ATP8A2: variants seen among roughly 807,000 people sequenced by gnomAD.
ATP8A2 encodes the protein phospholipid-transporting ATPase IB.
ATP8A2 carries 100 observed loss-of-function variants against 165.6 expected under a neutral mutation model. The observed-to-expected ratio is 0.60, with a 90% confidence interval of 0.51 to 0.71. ATP8A2 has a LOEUF of 0.71. Ranked by LOEUF, ATP8A2 falls within the 30% of genes least tolerant of loss-of-function variation. The pLI is 0.00. For synonymous variants in ATP8A2, 543 were observed against 548.8 expected (o/e 0.99, Z 0.15); for missense variants, 1,227 against 1,479.5 (o/e 0.83, Z 2.80).
chr13:25,567,825 C>A (rs1228335166), intron 16 of ATP8A2, among the ~76,000 whole-genome samples: 3 of 152,102 alleles, frequency 2.0e-5, no homozygotes, highest in African/African-American at 7.2e-5. Context: ...CAATATTTTT[C>A]TTTGGGGAGA....
At chr13:25,548,498 T>C (rs558012726) in intron 10 of ATP8A2, among the ~76,000 whole-genome samples, 3 of 152,354 alleles carry the variant, frequency 2.0e-5, no homozygotes, top group East Asian at 3.9e-4. Context: ...TTTTCCTGCC[T>C]GTACATTTAG....
At chr13:25,892,946 G>A (rs979350925) in intron 33 of ATP8A2, among the ~76,000 whole-genome samples, 5 of 152,054 alleles carry the variant, frequency 3.3e-5, no homozygotes, top group African/African-American at 1.2e-4. Flanking sequence ...GTATTAGATA[G>A]GCTCAGGTTT....
At chr13:25,862,851 A>G (rs562061094) in intron 33 of ATP8A2, among the ~76,000 whole-genome samples, 6 of 152,198 alleles carry the variant, frequency 3.9e-5, no homozygotes, top group East Asian at 3.9e-4. Context: ...TAACAGCTCT[A>G]TGAACCAGAT....
At chr13:25,653,122 G>C (rs983765913) in intron 24 of ATP8A2, among the ~76,000 whole-genome samples, 7 of 152,172 alleles carry the variant, frequency 4.6e-5, no homozygotes, top group African/African-American at 1.7e-4. Flanking sequence ...AACCATCTGA[G>C]TTAATTTTTG....
At chr13:25,688,102 T>G (rs1317505177) in intron 24 of ATP8A2, among the ~76,000 whole-genome samples, 1 of 149,688 alleles carries the variant, frequency 6.7e-6, no homozygotes, top group African/African-American at 2.5e-5. Context: ...GATCTTTGGC[T>G]GTTTTCGTGC....
intron 4 of ATP8A2, 30 bp downstream of exon 4, chr13:25,530,690 A>G (rs758357403): frequency 2.3e-6 from 3 of 1,298,778 alleles, no homozygotes; most frequent in South Asian, 1.3e-5. Context: ...TAATAAAATC[A>G]TTGTATGCAG....
At chr13:25,381,234 C>T (rs7982208) in intron 1 of ATP8A2, among the ~76,000 whole-genome samples, 47,769 of 151,980 alleles carry the variant, frequency 0.31, 7,776 homozygotes, top group Admixed American at 0.35. Context: ...GACCAGTGGG[C>T]GTCTCAGCAG....
chr13:25,433,965 G>A (rs2138162084), intron 1 of ATP8A2, among the ~76,000 whole-genome samples: 1 of 152,238 alleles, frequency 6.6e-6, no homozygotes, highest in Non-Finnish European at 1.5e-5. Flanking sequence ...GATTCTGGGG[G>A]CTCCAAAAGA....
chr13:25,607,032 C>A (rs1299481086), intron 24 of ATP8A2, among the ~76,000 whole-genome samples: 1 of 152,158 alleles, frequency 6.6e-6, no homozygotes, highest in South Asian at 2.1e-4. Flanking sequence ...TGAGCTCCAC[C>A]TCCTGTCAGA....
At chr13:25,400,079 C>A (rs7990162) in intron 1 of ATP8A2, among the ~76,000 whole-genome samples, 127,014 of 151,798 alleles carry the variant, frequency 0.84, 53,291 homozygotes, top group Middle Eastern at 0.9. Context: ...CACACTGCCA[C>A]GCCCAGCTAA....
intron 24 of ATP8A2, among the ~76,000 whole-genome samples, chr13:25,650,873 C>CAAA (rs2041795737): frequency 6.6e-6 from 1 of 152,064 alleles, no homozygotes; most frequent in African/African-American, 2.4e-5. Context: ...TTTTAAAATA[C>CAAA]ATTATTTGAT....
intron 1 of ATP8A2, among the ~76,000 whole-genome samples, chr13:25,435,965 G>A (rs1465444397): frequency 8.6e-6 from 1 of 116,690 alleles, no homozygotes; most frequent in African/African-American, 2.8e-5. Context: ...GTGTGTGTGT[G>A]TGTGTGTATG....
At chr13:25,719,147 C>A (rs773842968) in intron 25 of ATP8A2, among the ~76,000 whole-genome samples, 1 of 152,164 alleles carries the variant, frequency 6.6e-6, no homozygotes, top group Non-Finnish European at 1.5e-5. Flanking sequence ...TTCCGTGATC[C>A]GGCTCTATGC....
At chr13:25,407,569 A>G (rs1437232020) in intron 1 of ATP8A2, among the ~76,000 whole-genome samples, 1 of 152,140 alleles carries the variant, frequency 6.6e-6, no homozygotes. Flanking sequence ...ATTTCCCTCC[A>G]TATTGAGGCC....
chr13:25,575,595 T>G (rs1246245941), intron 19 of ATP8A2, among the ~76,000 whole-genome samples: 1 of 152,222 alleles, frequency 6.6e-6, no homozygotes. Context: ...TCTGTCTGCT[T>G]TATAAACTAT....
At chr13:25,454,188 G>C (rs1392618466) in intron 1 of ATP8A2, among the ~76,000 whole-genome samples, 1 of 152,176 alleles carries the variant, frequency 6.6e-6, no homozygotes, top group Non-Finnish European at 1.5e-5. Flanking sequence ...TGTTGTTTGT[G>C]GCTGGGCTCT....
chr13:25,881,591 GAGAA>G (rs918261095), intron 33 of ATP8A2, among the ~76,000 whole-genome samples: 4 of 151,396 alleles, frequency 2.6e-5, no homozygotes, highest in East Asian at 3.9e-4. Context: ...GAGAGAGAGA[GAGAA>G]AGAGAGAGAG....
intron 24 of ATP8A2, among the ~76,000 whole-genome samples, chr13:25,670,525 C>T (rs1009706199): frequency 1.1e-4 from 17 of 152,162 alleles, no homozygotes; most frequent in African/African-American, 4.1e-4. Context: ...ATGATTATTT[C>T]AGTTTAGCTA....
chr13:25,686,132 C>G (rs952527397), intron 24 of ATP8A2, among the ~76,000 whole-genome samples: 1 of 152,170 alleles, frequency 6.6e-6, no homozygotes, highest in Non-Finnish European at 1.5e-5. Flanking sequence ...TGTTCCATAA[C>G]TATTCCATGC....
Sources: allele counts gnomAD v4.1 joint callset (sites outside exome capture counted in the v4.1 genomes callset), GRCh38; gene constraint gnomAD v4.1.1; transcripts MANE v1.5; gene names NCBI Gene and HGNC (gene_info 2026-07-23, HGNC 2026-07-21).